Variants in CEP72 observed in about 807,000 individuals in gnomAD.
The protein encoded by CEP72 is centrosomal protein of 72 kDa.
CEP72 carries 78 observed loss-of-function variants against 65.7 expected under a neutral mutation model. The observed-to-expected ratio is 1.19, with a 90% CI of 0.99 to 1.43. CEP72 has a LOEUF of 1.43. Among genes scored for constraint, CEP72 ranks in the 40% most tolerant of loss-of-function variants. CEP72 has a pLI of 0.00. For missense variants in CEP72, 914 were observed against 832.9 expected, an observed-to-expected ratio of 1.10 and a Z score of -1.20; for synonymous variants, 358 against 351.7, an observed-to-expected ratio of 1.02 and a Z score of -0.20.
chr5:644,815 G>A (rs1159974645), intron 10 of CEP72, among the ~76,000 whole-genome samples: 3 of 152,194 alleles, frequency 2.0e-5, no homozygotes, highest in East Asian at 1.9e-4. Flanking sequence ...GTTGCCCAGC[G>A]TCTCAGCGTT....
At position 623,923 on chromosome 5, in the gene CEP72, G is replaced by A. The variant is rs181524803; in HGVS notation, c.404-548G>A. ...GTCACAGAATTCACATTACAAATGG[G>A]GGTTAAGATGTGTTGTAAGTTCCAA... On this transcript the variant is annotated intron_variant, in intron 3 of 11. Coordinates refer to ENST00000264935, the MANE Select transcript of CEP72 (RefSeq NM_018140.4). The surrounding 1 kb of genome is among the most constrained non-coding windows in gnomAD (Gnocchi z 5.3). 4.6e-5 allele frequency among the ~76,000 whole-genome samples: 7 copies of A among 152,192 alleles called. No homozygotes were observed. The highest frequency in any genetic ancestry group is 7.3e-5 in the Non-Finnish European group (5 of 68,038).
At chr5:665,469 G>C in intron 3 of CEP72, 1 of 663,782 alleles carries the variant, frequency 1.5e-6, no homozygotes, top group Non-Finnish European at 2.5e-6. Flanking sequence ...TGACCCTGGG[G>C]CAGCCTTGGG....
Position 612,344 on chromosome 5 carries a change from G to C in CEP72, c.-18G>C, listed in dbSNP as rs780103181. 215 of 1,484,582 alleles carry C rather than the reference G, an allele frequency of 1.4e-4. No homozygotes were observed. Among genetic ancestry groups the C allele is most frequent in the Middle Eastern group, 2.3e-4 (1 of 4,258 alleles). 92.0% of individuals were successfully genotyped at this position (1,484,582 alleles called of 1,614,324 possible). A position where few individuals can be genotyped will look rare whatever the true frequency, so the allele number is the denominator to read the frequency against. The stretch of plus-strand genomic sequence containing the variant: ...CCCGCCCGCCGCGCAGGCGCCGTCC[G>C]AGGGCTCCGTTTGAAACATGGCGCG... On this transcript the variant is annotated 5_prime_UTR_variant, in exon 1 of 12. Transcript: ENST00000264935.
At chr5:633,610 T>C (rs1221219674) in intron 4 of CEP72, among the ~76,000 whole-genome samples, 159 bp from the exon 5 acceptor site, 1 of 152,250 alleles carries the variant, frequency 6.6e-6, no homozygotes, top group Non-Finnish European at 1.5e-5. Flanking sequence ...AGTCACTCTT[T>C]AGCATCACTG....
At chr5:648,966 A>G (rs1218564596) in intron 11 of CEP72, among the ~76,000 whole-genome samples, 1 of 144,252 alleles carries the variant, frequency 6.9e-6, no homozygotes. Context: ...CGAGGCATGG[A>G]CTGTGAGATG....
chr5:614,292 A>G (rs751040115), intron 1 of CEP72, among the ~76,000 whole-genome samples: 6 of 151,658 alleles, frequency 4.0e-5, no homozygotes, highest in Non-Finnish European at 7.4e-5. Flanking sequence ...TTGATTTGAG[A>G]CTTTCCTATT....
Position 624,360 on chromosome 5 carries a change from G to T in CEP72, c.404-111G>T. ...GCATTCCGGTGCTAGGTTAGTGGGA[G>T]CAGGGCTGGCCCCGAGGGGATGGAC... On this transcript the variant is annotated intron_variant, in intron 3 of 11. Transcript: ENST00000264935. This position sits in a 1 kb window ranked among gnomAD's most constrained non-coding sequence, Gnocchi z 4.7. 1 of 709,272 alleles carries T rather than the reference G, an allele frequency of 1.4e-6. No homozygotes were observed. The allele number at this position is 709,272 out of a possible 1,614,324, so 43.9% of individuals were successfully genotyped here. A position where few individuals can be genotyped will look rare whatever the true frequency, so the allele number is the denominator to read the frequency against.
intron 9 of CEP72, chr5:643,543 A>G (rs1580002894): frequency 1.0e-6 from 1 of 985,182 alleles, no homozygotes; most frequent in Non-Finnish European, 1.2e-6. Flanking sequence ...AAGCGGCGAT[A>G]CCCCCAGCAC....
chr5:642,901 C>T (rs1398988087), intron 9 of CEP72: 1 of 985,482 alleles, frequency 1.0e-6, no homozygotes, highest in East Asian at 1.1e-4. Context: ...TGAACCTAGA[C>T]CTTGCTTCCT....
exon 3 of CEP72, chr5:665,192 A>C (rs771689748): frequency 3.1e-6 from 5 of 1,613,772 alleles, no homozygotes; most frequent in Admixed American, 1.7e-5. Context: ...CCACGCGGCC[A>C]GCCTTGCCCT....
At chr5:671,642 G>C (rs1046707302), downstream of CEP72, among the ~76,000 whole-genome samples, 1 of 152,238 alleles carries the variant, frequency 6.6e-6, no homozygotes, top group Non-Finnish European at 1.5e-5. Flanking sequence ...GGAGCCACAG[G>C]CCTTGACTGT....
downstream of CEP72, among the ~76,000 whole-genome samples, chr5:669,919 AGACCAGG>A (rs1740147321): frequency 1.3e-5 from 2 of 152,128 alleles, no homozygotes; most frequent in Non-Finnish European, 2.9e-5. Context: ...TGTCCTCCAG[AGACCAGG>A]GTGCTGGAGG....
chr5:654,732 T>C (rs940146042), downstream of CEP72, among the ~76,000 whole-genome samples: 3 of 152,226 alleles, frequency 2.0e-5, no homozygotes, highest in African/African-American at 7.2e-5. Flanking sequence ...TTACCTCGTT[T>C]GGGTTTCATT....
At chr5:633,406 G>C (rs1468534255) in intron 4 of CEP72, among the ~76,000 whole-genome samples, 19 of 142,004 alleles carry the variant, frequency 1.3e-4, no homozygotes, top group African/African-American at 4.9e-4. Flanking sequence ...ACCCAGTCCT[G>C]GTGGGGTGCT....
chr5:673,981 G>A, the CEP72 span, among the ~76,000 whole-genome samples: 3 of 152,222 alleles, frequency 2.0e-5, no homozygotes, highest in Non-Finnish European at 2.9e-5. Flanking sequence ...GCACACATGC[G>A]CCATAGTTTG....
At chr5:667,902 G>A (rs532409195), downstream of CEP72, among the ~76,000 whole-genome samples, 3 of 66,332 alleles carry the variant, frequency 4.5e-5, no homozygotes, top group African/African-American at 1.2e-4. Flanking sequence ...CCGTGTGGGC[G>A]CCGTCAGGGA....
chr5:646,715 A>AGGGCC (rs1159084680), intron 10 of CEP72, among the ~76,000 whole-genome samples: 1 of 152,218 alleles, frequency 6.6e-6, no homozygotes, highest in African/African-American at 2.4e-5. Flanking sequence ...TGGGAGGGGC[A>AGGGCC]GGGCCGTGGT....
downstream of CEP72, among the ~76,000 whole-genome samples, chr5:656,210 CT>C (rs1416911894): frequency 6.6e-6 from 1 of 152,182 alleles, no homozygotes; most frequent in Non-Finnish European, 1.5e-5. Flanking sequence ...TCTGCATCTC[CT>C]TGTCTGTCTC....
chr5:637,092 G>A lies in CEP72; in HGVS notation c.905-425G>A, dbSNP rs3811847. On this transcript the variant is annotated intron_variant, in intron 6 of 11. Transcript: ENST00000264935. ...GGGCTTAGTGGTCGGTACAGTGCACGGGACCCACCACTTTACGGACCATCA... is the reference window on the plus strand; with the variant it reads ...GGGCTTAGTGGTCGGTACAGTGCACAGGACCCACCACTTTACGGACCATCA... 6.0e-3 allele frequency among the ~76,000 whole-genome samples: 913 copies of A among 152,266 alleles called. 31 individuals are homozygous for A. The highest frequency in any genetic ancestry group is 0.051 in the Admixed American group (773 of 15,292).
Sources: gnomAD v4.1 joint callset for allele counts (sites outside exome capture counted in the v4.1 genomes callset) on GRCh38, gnomAD v4.1.1 for gene constraint, Gnocchi (gnomAD v3.1) non-coding constraint, MANE v1.5 for transcripts, NCBI Gene and HGNC (gene_info 2026-07-23, HGNC 2026-07-21) for gene names.